Variants in TRDN observed in about 807,000 individuals in gnomAD.
The protein encoded by TRDN is triadin in skeletal muscle.
Under a neutral mutation model 149.7 loss-of-function variants are expected in TRDN, and 161 were observed. The ratio of observed to expected loss-of-function variants is 1.08; its 90% CI spans 0.95 to 1.23. TRDN has a LOEUF of 1.23. Ranked by LOEUF, TRDN falls within the 50% of genes most tolerant of loss-of-function variation. The pLI is 0.00. For synonymous variants in TRDN, 294 were observed against 250.5 expected (o/e 1.17, Z -1.64); for missense variants, 896 against 823.5 (o/e 1.09, Z -1.08).
chr6:123,361,416 A>T (rs1363817913), intron 20 of TRDN, among the ~76,000 whole-genome samples: 1 of 152,056 alleles, frequency 6.6e-6, no homozygotes, highest in African/African-American at 2.4e-5. Flanking sequence ...AGAAATACCT[A>T]ATGTAGATGA....
intron 24 of TRDN, among the ~76,000 whole-genome samples, chr6:123,295,768 G>A (rs192549537): frequency 1.2e-4 from 18 of 151,918 alleles, no homozygotes; most frequent in Admixed American, 5.9e-4. Context: ...GTTTGAGACC[G>A]ACCTGGCCAA....
intron 4 of TRDN, among the ~76,000 whole-genome samples, chr6:123,530,810 TAGAC>T (rs543741246): frequency 9.2e-5 from 14 of 152,070 alleles, no homozygotes; most frequent in African/African-American, 1.2e-4. Flanking sequence ...AAACATTTAA[TAGAC>T]AGAGCTATGT....
intron 1 of TRDN, among the ~76,000 whole-genome samples, chr6:123,581,777 G>T (rs1359215284): frequency 1.3e-5 from 2 of 152,128 alleles, no homozygotes; most frequent in Non-Finnish European, 2.9e-5. Context: ...AGAAAAAAAT[G>T]ACAGAAAGAA....
intron 2 of TRDN, among the ~76,000 whole-genome samples, chr6:123,551,032 A>G (rs1781355156): frequency 6.6e-6 from 1 of 151,674 alleles, no homozygotes; most frequent in Non-Finnish European, 1.5e-5. Flanking sequence ...GGTATATTTT[A>G]TACCTAATGG....
In TRDN at chr6:123,438,991, T is replaced by C; in HGVS notation, c.944A>G (p.Glu315Gly). The change falls in exon 11 of 41, where the codon GAA (glutamate) becomes GGA (glycine). Residue 315 changes from glutamate (E) to glycine (G), a missense_variant. Glu to Gly is a moderately conservative substitution (Grantham distance 98). Coordinates refer to ENST00000334268, the MANE Select transcript of TRDN (RefSeq NM_006073.4). ...AACTTTCTTCTCAGCCTTCTTCTTTTCCCCTTCTTTTTCTAGAGAATACAT... is the reference window on the plus strand; with the variant it reads ...AACTTTCTTCTCAGCCTTCTTCTTTCCCCCTTCTTTTTCTAGAGAATACAT... The part of the protein sequence containing the change: ...ASPALEEKEG[E>G]KKKAEKKVTS... 2 of 1,557,828 alleles carry C rather than the reference T, an allele frequency of 1.3e-6. No individual in the cohort carries two copies. Among genetic ancestry groups the C allele is most frequent in the Non-Finnish European group, 1.7e-6 (2 of 1,150,048 alleles).
At chr6:123,500,985 A>G (rs902980179) in intron 8 of TRDN, among the ~76,000 whole-genome samples, 2 of 152,024 alleles carry the variant, frequency 1.3e-5, no homozygotes, top group African/African-American at 4.8e-5. Flanking sequence ...CTAGGGAGCA[A>G]TGTCTGACTA....
chr6:123,596,846 T>G (rs1017568385), intron 1 of TRDN, among the ~76,000 whole-genome samples: 1 of 152,064 alleles, frequency 6.6e-6, no homozygotes, highest in Non-Finnish European at 1.5e-5. Context: ...TATATATTTC[T>G]TTCAAAATAT....
chr6:123,444,036 G>C (rs546793527), intron 10 of TRDN, among the ~76,000 whole-genome samples: 1 of 150,186 alleles, frequency 6.7e-6, no homozygotes. Context: ...CTTTAAAGTA[G>C]TTTTTTCCAA....
chr6:123,365,831 C>T (rs1781076966), intron 20 of TRDN, among the ~76,000 whole-genome samples: 1 of 152,126 alleles, frequency 6.6e-6, no homozygotes, highest in Admixed American at 6.5e-5. Context: ...GTATGTTGCA[C>T]TAGAATGCTC....
At chr6:123,467,077 T>C (rs1776864686) in intron 9 of TRDN, among the ~76,000 whole-genome samples, 1 of 152,160 alleles carries the variant, frequency 6.6e-6, no homozygotes, top group Non-Finnish European at 1.5e-5. Context: ...ACTTATTATA[T>C]ACCAGCACCA....
intron 10 of TRDN, chr6:123,464,603 C>G: frequency 9.5e-7 from 1 of 1,057,756 alleles, no homozygotes. Context: ...TGGTAAAACT[C>G]CCAGAGTTGC....
chr6:123,299,465 C>T (rs1467721343), intron 24 of TRDN, among the ~76,000 whole-genome samples: 1 of 151,982 alleles, frequency 6.6e-6, no homozygotes, highest in African/African-American at 2.4e-5. Context: ...TCTTTACTTG[C>T]CCACTACACT....
intron 5 of TRDN, among the ~76,000 whole-genome samples, chr6:123,519,552 C>T (rs569575163): frequency 6.9e-6 from 1 of 144,612 alleles, no homozygotes; most frequent in South Asian, 2.4e-4. Flanking sequence ...GAGTTCTTTA[C>T]TTAATCGTCC....
intron 9 of TRDN, among the ~76,000 whole-genome samples, chr6:123,467,319 A>T (rs975303664): frequency 2.0e-5 from 2 of 102,438 alleles, no homozygotes; most frequent in African/African-American, 5.9e-5. Flanking sequence ...GTGGTAAATT[A>T]AAAAAAAAAA....
intron 24 of TRDN, among the ~76,000 whole-genome samples, chr6:123,290,659 A>G (rs1777978096): frequency 6.6e-6 from 1 of 152,208 alleles, no homozygotes; most frequent in Admixed American, 6.5e-5. Flanking sequence ...ATGATAGAAT[A>G]ATCCTCACCT....
At chr6:123,260,455 CA>C (rs1776723586) in intron 34 of TRDN, among the ~76,000 whole-genome samples, 156 bp downstream of exon 34, 1 of 151,742 alleles carries the variant, frequency 6.6e-6, no homozygotes, top group South Asian at 2.1e-4. Flanking sequence ...CTCCTTATAA[CA>C]AGCCTTTTGG....
intron 1 of TRDN, among the ~76,000 whole-genome samples, chr6:123,579,989 T>TTAAACC (rs111259088): frequency 0.13 from 20,112 of 152,130 alleles, 1,525 homozygotes; most frequent in African/African-American, 0.21. Flanking sequence ...TGTGAGTCAA[T>TTAAACC]TAAACCTCTT....
chr6:123,487,088 C>A (rs1433617575), intron 9 of TRDN, among the ~76,000 whole-genome samples: 6 of 151,728 alleles, frequency 4.0e-5, no homozygotes, highest in Non-Finnish European at 8.8e-5. Flanking sequence ...TATATGTGCT[C>A]AAGCAGTAAA....
chr6:123,495,385 G>A (rs1778404240), intron 9 of TRDN, among the ~76,000 whole-genome samples: 1 of 151,736 alleles, frequency 6.6e-6, no homozygotes, highest in Admixed American at 6.6e-5. Flanking sequence ...CGAGTATGTT[G>A]GCAGGGGCCT....
Sources: allele counts gnomAD v4.1 joint callset (sites outside exome capture counted in the v4.1 genomes callset), GRCh38; gene constraint gnomAD v4.1.1; transcripts MANE v1.5; gene names NCBI Gene and HGNC (gene_info 2026-07-23, HGNC 2026-07-21).